The following RANBP9 variants were observed in gnomAD, a reference collection of about 807,000 sequenced individuals.
The protein encoded by RANBP9 is RAN binding protein 9.
RANBP9 carries 15 observed loss-of-function variants against 84.3 expected under a neutral mutation model. The observed-to-expected ratio is 0.18, with a 90% CI of 0.12 to 0.27. The LOEUF (loss-of-function observed/expected upper bound fraction) is 0.27. RANBP9 is among the 10% of genes least tolerant of loss of function. The pLI is 1.00. For synonymous variants in RANBP9, 392 were observed against 349.6 expected (o/e 1.12, Z -1.35); for missense variants, 809 against 912.8 (o/e 0.89, Z 1.46).
intron 2 of RANBP9, among the ~76,000 whole-genome samples, chr6:13,678,444 A>G (rs1446447678): frequency 6.6e-6 from 1 of 152,196 alleles, no homozygotes; most frequent in East Asian, 1.9e-4. Context: ...TAGAGATAAG[A>G]GGGCTCACAG....
intron 13 of RANBP9, among the ~76,000 whole-genome samples, chr6:13,622,778 G>T (rs1016196572): frequency 6.6e-6 from 1 of 152,166 alleles, no homozygotes; most frequent in East Asian, 1.9e-4. Context: ...GATGGGAAAG[G>T]TACAATTTTT....
At chr6:13,689,408 C>A (rs1766272541) in intron 2 of RANBP9, among the ~76,000 whole-genome samples, 1 of 151,756 alleles carries the variant, frequency 6.6e-6, no homozygotes, top group South Asian at 2.1e-4. Context: ...GTAGATGTGA[C>A]TACAGGCATG....
At chr6:13,710,094 G>A (rs1434623309) in intron 1 of RANBP9, among the ~76,000 whole-genome samples, 1 of 152,014 alleles carries the variant, frequency 6.6e-6, no homozygotes, top group Non-Finnish European at 1.5e-5. Flanking sequence ...CAACTGATTT[G>A]CTTCCAGCTT....
chr6:13,641,315 G>A lies in RANBP9; in HGVS notation c.1226-8C>T. On this transcript the variant is annotated splice_region_variant and splice_polypyrimidine_tract_variant and intron_variant, in intron 7 of 13. Coordinates refer to ENST00000011619, the MANE Select transcript of RANBP9 (RefSeq NM_005493.3). ...ATACCAATTTCTGAATTCCTATTCA[G>A]TAAAAGAAAGCAAACGATTAACTTT... 6.5e-7 allele frequency: 1 copy of A among 1,533,830 alleles called. No homozygotes were observed. Among genetic ancestry groups the A allele is most frequent in the South Asian group, 1.2e-5 (1 of 83,240 alleles).
intron 2 of RANBP9, among the ~76,000 whole-genome samples, chr6:13,668,698 C>T (rs1468157812): frequency 6.6e-6 from 1 of 151,942 alleles, no homozygotes; most frequent in Non-Finnish European, 1.5e-5. Context: ...CATGAAAAAT[C>T]ATGACTCAGC....
chr6:13,672,324 C>T (rs1765795152), intron 2 of RANBP9, among the ~76,000 whole-genome samples: 1 of 152,102 alleles, frequency 6.6e-6, no homozygotes, highest in South Asian at 2.1e-4. Flanking sequence ...AAAAACCCAA[C>T]AGATTTCATC....
intron 2 of RANBP9, among the ~76,000 whole-genome samples, chr6:13,673,913 T>C (rs975243477): frequency 6.6e-6 from 1 of 151,846 alleles, no homozygotes; most frequent in African/African-American, 2.4e-5. Flanking sequence ...CAAAATCCCA[T>C]CTCTATAAAG....
chr6:13,638,889 C>T (rs1323598478), intron 9 of RANBP9, among the ~76,000 whole-genome samples: 1 of 152,048 alleles, frequency 6.6e-6, no homozygotes, highest in Non-Finnish European at 1.5e-5. Context: ...AGCGGCAGCC[C>T]AGCTAGATGT....
rs780848200 is a variant in RANBP9 at position 13,658,811 on chromosome 6, A to G, written c.705T>C (p.Ser235=). The stretch of plus-strand genomic sequence containing the variant: ...GTCTATTCATGTTCACACCTTGAGC[A>G]GAAAGACCAATTCCCATGTAACTGT... ...GRDGYMGIGL[S]AQGVNMNRLP... is the part of the protein sequence containing the mutation. The change falls in exon 3 of 14, where the codon TCT becomes TCC. Residue 235 remains serine (S), a synonymous_variant. Transcript: ENST00000011619. 6.3e-7 allele frequency: 1 copy of G among 1,577,868 alleles called. No individual in the cohort carries two copies. Among genetic ancestry groups the G allele is most frequent in the East Asian group, 2.2e-5 (1 of 44,700 alleles).
chr6:13,622,498 G>A lies in RANBP9; in HGVS notation c.2060-6C>T, dbSNP rs755294768. ...CTTTGGCAGATTGTGGGTTTCTGAG[G>A]AAAAATAATTTAAAAATGAGAACAG... On this transcript the variant is annotated splice_polypyrimidine_tract_variant and splice_region_variant and intron_variant, in intron 13 of 13. Coordinates refer to ENST00000011619, the MANE Select transcript of RANBP9 (RefSeq NM_005493.3). 6.4e-7 allele frequency: 1 copy of A among 1,550,564 alleles called. No individual in the cohort carries two copies. The highest frequency in any genetic ancestry group is 2.1e-5 in the Admixed American group (1 of 46,668).
At chr6:13,702,168 C>T (rs1239917825) in intron 1 of RANBP9, among the ~76,000 whole-genome samples, 1 of 152,138 alleles carries the variant, frequency 6.6e-6, no homozygotes, top group Non-Finnish European at 1.5e-5. Context: ...CAAGGCTGGG[C>T]GCAGTGGCTC....
At chr6:13,703,988 C>A (rs1368753550) in intron 1 of RANBP9, among the ~76,000 whole-genome samples, 1 of 152,142 alleles carries the variant, frequency 6.6e-6, no homozygotes, top group Non-Finnish European at 1.5e-5. Flanking sequence ...AGCTAAAGAC[C>A]CAAACATCAT....
chr6:13,626,668 G>C (rs1043919093), intron 12 of RANBP9, among the ~76,000 whole-genome samples: 4 of 152,146 alleles, frequency 2.6e-5, no homozygotes, highest in Non-Finnish European at 5.9e-5. Context: ...TACCAATTTG[G>C]AAGGCAGACA....
chr6:13,699,029 G>A (rs758909137), intron 1 of RANBP9, among the ~76,000 whole-genome samples: 2 of 152,016 alleles, frequency 1.3e-5, no homozygotes, highest in Non-Finnish European at 2.9e-5. Context: ...GCTTTTGTAT[G>A]GATTTTTCTC....
intron 12 of RANBP9, among the ~76,000 whole-genome samples, chr6:13,631,715 T>C (rs1468839742): frequency 1.3e-5 from 2 of 152,340 alleles, no homozygotes; most frequent in East Asian, 1.9e-4. Context: ...TAAAGAGCTG[T>C]ACATCTCTAC....
At chr6:13,679,437 G>A (rs191086311) in intron 2 of RANBP9, among the ~76,000 whole-genome samples, 18 of 152,170 alleles carry the variant, frequency 1.2e-4, no homozygotes, top group Non-Finnish European at 1.9e-4. Flanking sequence ...ATTCTTTGTC[G>A]AATAATTCCA....
chr6:13,659,549 GATAA>G (rs1419669806), intron 2 of RANBP9, among the ~76,000 whole-genome samples: 2 of 151,968 alleles, frequency 1.3e-5, no homozygotes, highest in African/African-American at 4.8e-5. Flanking sequence ...AACAAAACCT[GATAA>G]ATATAGTTCA....
chr6:13,704,215 A>C lies in RANBP9; in HGVS notation c.571+6720T>G, dbSNP rs190185702. On this transcript the variant is annotated intron_variant, in intron 1 of 13. Coordinates refer to ENST00000011619, the MANE Select transcript of RANBP9 (RefSeq NM_005493.3). The stretch of plus-strand genomic sequence containing the variant: ...TTGTAACCTCTTGAATCTATCTTCC[A>C]ATCAGCTGCGTAATCTGACAAAAAT... Among the ~76,000 whole-genome samples the C allele has an allele frequency of 4.1e-3, 623 of 152,344 alleles. 4 individuals are homozygous for C. The highest frequency in any genetic ancestry group is 0.041 in the South Asian group (196 of 4,832).
Position 13,648,141 on chromosome 6 carries a change from GTTTTTTTTTTTTTTTT to G in RANBP9, c.928-3428_928-3413del, listed in dbSNP as rs375219477. Among the ~76,000 whole-genome samples the G allele has an allele frequency of 2.0e-4, 16 of 80,646 alleles. No homozygotes were observed. In the East Asian group the frequency reaches 2.9e-3, roughly 14 times the overall value. 52.9% of individuals were successfully genotyped at this position (80,646 alleles called of 152,430 possible). A position where few individuals can be genotyped will look rare whatever the true frequency, so the allele number is the denominator to read the frequency against. ...CAAAATATGTGATCTTATATGACTGGTTTTTTTTTTTTTTTTTTTTTTTTTTGAGACGGAGTCTCAC... is the reference window on the plus strand; with the variant it reads ...CAAAATATGTGATCTTATATGACTGGTTTTTTTTTTGAGACGGAGTCTCAC... On this transcript the variant is annotated intron_variant, in intron 5 of 13. Transcript: ENST00000011619.
Sources: gnomAD v4.1 joint callset for allele counts (sites outside exome capture counted in the v4.1 genomes callset) on GRCh38, gnomAD v4.1.1 for gene constraint, MANE v1.5 for transcripts, NCBI Gene and HGNC (gene_info 2026-07-23, HGNC 2026-07-21) for gene names.